Variants in WASHC5 observed in about 807,000 individuals in gnomAD.
WASHC5 encodes WASH complex subunit strumpellin.
WASHC5 carries 101 observed loss-of-function variants against 150.4 expected under a neutral mutation model. That is an observed-to-expected ratio of 0.67 (90% CI 0.57 to 0.79). WASHC5 has a LOEUF of 0.79. WASHC5 is among the 30% of genes least tolerant of loss of function. The probability of loss-of-function intolerance (pLI) is 0.00; values close to 1 mark genes in which losing one functional copy is unlikely to be tolerated. For synonymous variants in WASHC5, 467 were observed against 491.2 expected, an observed-to-expected ratio of 0.95 and a Z score of 0.65; for missense variants, 1,195 against 1,396.3, an observed-to-expected ratio of 0.86 and a Z score of 2.30.
chr8:125,050,898 T>C (rs1233483976), intron 17 of WASHC5, among the ~76,000 whole-genome samples: 1 of 152,198 alleles, frequency 6.6e-6, no homozygotes. Context: ...GATGGTAATT[T>C]TACAACAAGA....
rs1816416338 is a variant in WASHC5, at chr8:125,056,694, G to C, written c.1999C>G (p.Leu667Val). Residue 667 changes from leucine (L) to valine (V), a missense_variant, in exon 16 of 29, where the codon CTA becomes GTA. Leu to Val is a conservative substitution (Grantham distance 32). This residue lies in a region of WASHC5 where 997 missense variants were observed against 1,168.1 expected (regional missense o/e 0.85). Transcript: ENST00000318410. ...DKDKLRDYAQLGPRYEVAKLT... is the reference protein window; with the variant it reads ...DKDKLRDYAQVGPRYEVAKLT... ...CACAGCACCTCGTATCGTGGGCCTA[G>C]CTGAGCATAGTCCCTCAGCTTGTCT... The C allele has an allele frequency of 6.2e-7, 1 of 1,613,996 alleles. No homozygotes were observed. Among genetic ancestry groups the C allele is most frequent in the South Asian group, 1.1e-5 (1 of 91,078 alleles).
chr8:125,072,301 T>C (rs1439562411), intron 9 of WASHC5, among the ~76,000 whole-genome samples: 1 of 124,384 alleles, frequency 8.0e-6, no homozygotes. Flanking sequence ...ATTGTGCCAC[T>C]GCACTCAAAC....
chr8:125,033,537 A>G (rs528478373), intron 26 of WASHC5, among the ~76,000 whole-genome samples: 2 of 151,790 alleles, frequency 1.3e-5, no homozygotes, highest in Non-Finnish European at 2.9e-5. Context: ...TGTGACCTTG[A>G]AGAAGGCAGA....
Position 125,061,096 on chromosome 8 carries a change from G to C in WASHC5, c.1507C>G (p.Gln503Glu), listed in dbSNP as rs1469001345. The change falls in exon 12 of 29, where the codon CAA becomes GAA. Residue 503 changes from glutamine (Q) to glutamate (E), a missense_variant. By Grantham distance (29) the Gln-to-Glu change is conservative. This residue lies in a region of WASHC5 where 997 missense variants were observed against 1,168.1 expected (regional missense o/e 0.85). Coordinates refer to ENST00000318410, the MANE Select transcript of WASHC5 (RefSeq NM_014846.4). Reference sequence around the variant, plus strand: ...CGTTTCCTTACCTCTTCCAAAGCTTGTATCAGTTGTACAGTTTTTCTGCCC... The same window carrying C: ...CGTTTCCTTACCTCTTCCAAAGCTTCTATCAGTTGTACAGTTTTTCTGCCC... ...AAGRKTVQLI[Q>E]ALEEVQEFHQ... 1 of 1,601,288 alleles carries C rather than the reference G, an allele frequency of 6.2e-7. No homozygotes were observed. The highest frequency in any genetic ancestry group is 1.3e-5 in the African/African-American group (1 of 74,620).
intron 11 of WASHC5, among the ~76,000 whole-genome samples, chr8:125,062,011 G>GT (rs1009193885): frequency 3.3e-4 from 49 of 149,318 alleles, no homozygotes; most frequent in Admixed American, 5.4e-4. Flanking sequence ...ATCCCCTAAA[G>GT]TTTTTTTTTT....
chr8:125,028,692 T>C lies in WASHC5; in HGVS notation c.3351A>G (p.Glu1117=). 1 of 1,613,516 alleles carries C rather than the reference T, an allele frequency of 6.2e-7. No homozygotes were observed. Among genetic ancestry groups the C allele is most frequent in the Non-Finnish European group, 8.5e-7 (1 of 1,179,466 alleles). Reference sequence around the variant, plus strand: ...GGGCACCCACAACATCTGCAGGAATTTCAGGTATCTTCTGGCTGTGATAGA... The same window carrying C: ...GGGCACCCACAACATCTGCAGGAATCTCAGGTATCTTCTGGCTGTGATAGA... The part of the protein sequence containing the change: ...VEQCTSQKIP[E]IPADVVGALL... Residue 1117 remains glutamate (E), a synonymous_variant, in exon 28 of 29, where the codon GAA becomes GAG. Transcript: ENST00000318410.
chr8:125,065,270 C>T (rs570869216), intron 10 of WASHC5, among the ~76,000 whole-genome samples: 3 of 152,242 alleles, frequency 2.0e-5, no homozygotes, highest in Admixed American at 2.0e-4. Context: ...TTAAAGAACC[C>T]AGCTGAAATG....
chr8:125,048,178 T>C (rs1435936166), intron 19 of WASHC5, among the ~76,000 whole-genome samples: 1 of 152,224 alleles, frequency 6.6e-6, no homozygotes, highest in African/African-American at 2.4e-5. Flanking sequence ...TTCTGTCTTA[T>C]GAGTTGACAT....
chr8:125,025,813 T>C (rs1371340969), intron 28 of WASHC5, among the ~76,000 whole-genome samples: 1 of 137,526 alleles, frequency 7.3e-6, no homozygotes, highest in Admixed American at 7.0e-5. Context: ...ATTTTTCCAG[T>C]TTACTTACAT....
At chr8:125,026,183 G>A (rs1003498805) in intron 28 of WASHC5, among the ~76,000 whole-genome samples, 1 of 152,100 alleles carries the variant, frequency 6.6e-6, no homozygotes, top group African/African-American at 2.4e-5. Context: ...AGTAATTTTC[G>A]TATTTGGATT....
chr8:125,031,762 A>G (rs1298971648), intron 27 of WASHC5, among the ~76,000 whole-genome samples: 1 of 152,192 alleles, frequency 6.6e-6, no homozygotes, highest in East Asian at 1.9e-4. Context: ...CAGGAATTAA[A>G]GTTTTATAAG....
At chr8:125,045,923 C>T (rs1816054051) in intron 20 of WASHC5, among the ~76,000 whole-genome samples, 1 of 152,194 alleles carries the variant, frequency 6.6e-6, no homozygotes, top group Non-Finnish European at 1.5e-5. Context: ...TGATTGAAGG[C>T]TACCAAGAAA....
intron 16 of WASHC5, 27 bp from the exon 17 acceptor site, chr8:125,055,698 A>G: frequency 7.5e-7 from 1 of 1,332,244 alleles, no homozygotes; most frequent in Non-Finnish European, 1.1e-6. Flanking sequence ...GAGGTATGAA[A>G]AATCACTGTC....
intron 6 of WASHC5, among the ~76,000 whole-genome samples, chr8:125,077,710 A>T (rs183704602): frequency 1.3e-5 from 2 of 152,234 alleles, no homozygotes; most frequent in Non-Finnish European, 2.9e-5. Context: ...AAGCTCTCCA[A>T]GTCTTATTCT....
chr8:125,069,597 ATGATGAAGCC>A (rs1816844974), intron 9 of WASHC5, among the ~76,000 whole-genome samples: 4 of 152,176 alleles, frequency 2.6e-5, no homozygotes, highest in African/African-American at 9.7e-5. Context: ...TGCTTTAGTT[ATGATGAAGCC>A]TGTGGAAGGT....
rs746781517 is a variant in WASHC5 at position 125,081,746 on chromosome 8, A to T, written c.433T>A (p.Leu145Ile). 9.3e-6 allele frequency: 15 copies of T among 1,607,042 alleles called. No homozygotes were observed. Among genetic ancestry groups the T allele is most frequent in the Non-Finnish European group, 1.2e-5 (14 of 1,173,720 alleles). ...ATGACCAGTAGCATAACTCCATATA[A>T]GTACAGTGCTTCACACTAAGAAGAG... is the stretch of plus-strand genomic sequence containing the variant. ...GKQLLCEALY[L>I]YGVMLLVIDQ... Residue 145 changes from leucine to isoleucine, a missense_variant, in exon 5 of 29, where the codon TTA becomes ATA. Around this residue, in one of 3 missense-constraint regions of WASHC5, gnomAD observed 195 missense variants for 206.9 expected, o/e 0.94. Coordinates refer to ENST00000318410, the MANE Select transcript of WASHC5 (RefSeq NM_014846.4).
chr8:125,072,336 A>T (rs1314665979), intron 9 of WASHC5, among the ~76,000 whole-genome samples: 2 of 63,590 alleles, frequency 3.1e-5, no homozygotes, highest in Admixed American at 1.6e-4. Flanking sequence ...ATCCTGTCTT[A>T]AAAAAAAAAA....
At chr8:125,085,590 T>G (rs1048827708) in intron 1 of WASHC5, among the ~76,000 whole-genome samples, 4 of 152,198 alleles carry the variant, frequency 2.6e-5, no homozygotes, top group African/African-American at 9.7e-5. Flanking sequence ...GATGTTTTCC[T>G]GTACACATAA....
chr8:125,074,875 A>G, intron 8 of WASHC5, 123 bp downstream of exon 8: 1 of 726,984 alleles, frequency 1.4e-6, no homozygotes, highest in Non-Finnish European at 2.5e-6. Flanking sequence ...CCTTTTATTA[A>G]TCATTGCATT....
Sources: gnomAD v4.1 joint callset for allele counts (sites outside exome capture counted in the v4.1 genomes callset) on GRCh38, gnomAD v4.1.1 for gene constraint, gnomAD v4.1.1 regional missense constraint, MANE v1.5 for transcripts, NCBI Gene and HGNC (gene_info 2026-07-23, HGNC 2026-07-21) for gene names.